The following TOMM40 variants were observed in gnomAD, a reference collection of about 807,000 sequenced individuals.
The protein encoded by TOMM40 is mitochondrial import receptor subunit TOM40 homolog.
In TOMM40, 9 loss-of-function variants were observed where a neutral mutation model predicts 38.4. The observed-to-expected ratio is 0.23, with a 90% CI of 0.14 to 0.41. The LOEUF (loss-of-function observed/expected upper bound fraction) is 0.41. TOMM40 is among the 10% of genes least tolerant of loss of function. The pLI is 1.00. For synonymous variants in TOMM40, 184 were observed against 210.0 expected, an observed-to-expected ratio of 0.88 and a Z score of 1.07; for missense variants, 299 against 486.5, an observed-to-expected ratio of 0.61 and a Z score of 3.63.
intron 5 of TOMM40, among the ~76,000 whole-genome samples, chr19:44,896,429 T>C (rs1328472955): frequency 2.6e-5 from 4 of 152,192 alleles, no homozygotes; most frequent in East Asian, 3.8e-4. Context: ...AAGGAGTCCA[T>C]GAGAGGGCCC....
At chr19:44,894,569 G>A (rs954818691) in intron 5 of TOMM40, among the ~76,000 whole-genome samples, 3 of 151,920 alleles carry the variant, frequency 2.0e-5, no homozygotes, top group Non-Finnish European at 4.4e-5. Context: ...GCCAGTCAGC[G>A]CAATTTTAAC....
chr19:44,903,374 G>A lies in TOMM40; in HGVS notation c.*205G>A, dbSNP rs1405175173. On this transcript the variant is annotated 3_prime_UTR_variant, in exon 9 of 9. Coordinates refer to ENST00000426677, the MANE Select transcript of TOMM40 (RefSeq NM_001128917.2). ...GGCGCTTCGGGATTCTGAGTAGCAG[G>A]GGCAGCATGCCCAGTGGGCCTGGGG... 7.3e-6 allele frequency: 4 copies of A among 550,558 alleles called. No individual in the cohort carries two copies. The highest frequency in any genetic ancestry group is 1.2e-5 in the Non-Finnish European group (4 of 323,260). 34.1% of individuals were successfully genotyped at this position (550,558 alleles called of 1,614,324 possible).
At chr19:44,898,420 C>A (rs956563206) in intron 5 of TOMM40, among the ~76,000 whole-genome samples, 1 of 152,022 alleles carries the variant, frequency 6.6e-6, no homozygotes, top group African/African-American at 2.4e-5. Flanking sequence ...GGGCTGCACC[C>A]TAGGAGATTG....
At chr19:44,895,574 G>C (rs1969549808) in intron 5 of TOMM40, among the ~76,000 whole-genome samples, 1 of 152,088 alleles carries the variant, frequency 6.6e-6, no homozygotes, top group Admixed American at 6.5e-5. Flanking sequence ...GTCTTGCTCT[G>C]TTGCCCAGGC....
At chr19:44,892,350 G>C in intron 1 of TOMM40, 43 bp from the exon 2 acceptor site, 1 of 1,583,150 alleles carries the variant, frequency 6.3e-7, no homozygotes, top group Non-Finnish European at 8.7e-7. Context: ...ATGAGAGTTG[G>C]TGTGGGGTTG....
Position 44,903,307 on chromosome 19 carries a change from C to G in TOMM40, c.*138C>G. On this transcript the variant is annotated 3_prime_UTR_variant, in exon 9 of 9. Transcript: ENST00000426677. ...GGGGGGGACATTGGAAAGGAGGGAC[C>G]CCGCCACCCCAGCAGCTGAGGAGGG... The G allele has an allele frequency of 2.2e-6, 2 of 890,958 alleles. No individual in the cohort carries two copies. Among genetic ancestry groups the G allele is most frequent in the Non-Finnish European group, 3.3e-6 (2 of 610,296 alleles). The allele number at this position is 890,958 out of a possible 1,614,324, so 55.2% of individuals were successfully genotyped here. A position where few individuals can be genotyped will look rare whatever the true frequency, so the allele number is the denominator to read the frequency against.
rs1004544536 is a variant in TOMM40, at chr19:44,891,452, G to A, written c.37G>A (p.Gly13Arg). The A allele has an allele frequency of 1.0e-5, 13 of 1,297,238 alleles. 2 individuals are homozygous for A. In the Admixed American group the frequency reaches 4.4e-4, roughly 44 times the overall value. 80.4% of individuals were successfully genotyped at this position (1,297,238 alleles called of 1,614,324 possible). A position where few individuals can be genotyped will look rare whatever the true frequency, so the allele number is the denominator to read the frequency against. The change falls in exon 1 of 9, where the codon GGG becomes AGG. Residue 13 changes from glycine (G) to arginine (R), a missense_variant. By Grantham distance (125) the Gly-to-Arg change is moderately radical. Coordinates refer to ENST00000426677, the MANE Select transcript of TOMM40 (RefSeq NM_001128917.2). ...NVLAASSPPA[G>R]PPPPPAPALV... is the part of the protein sequence containing the mutation. ...GTTGGCTGCCAGCTCGCCGCCCGCA[G>A]GGCCGCCACCGCCGCCTGCGCCGGC...
chr19:44,902,294 C>A (rs1194081176), intron 8 of TOMM40: 2 of 152,254 alleles, frequency 1.3e-5, no homozygotes, highest in African/African-American at 4.8e-5. Flanking sequence ...CCTCCACCTC[C>A]CGGGCTCAAG....
intron 5 of TOMM40, among the ~76,000 whole-genome samples, chr19:44,900,035 T>C (rs1165620452): frequency 2.0e-5 from 3 of 152,088 alleles, no homozygotes; most frequent in African/African-American, 7.2e-5. Context: ...GCCTGTACCC[T>C]GCTAGGCTCG....
At chr19:44,900,638 C>G in intron 5 of TOMM40, 92 bp from the exon 6 acceptor site, 3 of 1,604,180 alleles carry the variant, frequency 1.9e-6, no homozygotes, top group Non-Finnish European at 2.5e-6. Flanking sequence ...AAGCCCAAGC[C>G]TCCAGCCGGG....
chr19:44,898,422 A>G (rs1412740652), intron 5 of TOMM40, among the ~76,000 whole-genome samples: 1 of 151,012 alleles, frequency 6.6e-6, no homozygotes, highest in African/African-American at 2.4e-5. Context: ...GCTGCACCCT[A>G]GGAGATTGCT....
chr19:44,902,590 T>G (rs1197280353), intron 8 of TOMM40: 1 of 153,804 alleles, frequency 6.5e-6, no homozygotes. Flanking sequence ...CACAACTAAA[T>G]CCAGAACCTC....
At chr19:44,894,353 C>T (rs922326805) in intron 5 of TOMM40, among the ~76,000 whole-genome samples, 6 of 150,440 alleles carry the variant, frequency 4.0e-5, no homozygotes, top group Non-Finnish European at 8.8e-5. Flanking sequence ...CCTCCATCTC[C>T]TGGGTTCATG....
At chr19:44,898,958 C>A (rs1308957566) in intron 5 of TOMM40, among the ~76,000 whole-genome samples, 2 of 151,626 alleles carry the variant, frequency 1.3e-5, no homozygotes, top group South Asian at 4.2e-4. Context: ...CGGTGAAACC[C>A]CTTCTCTACT....
chr19:44,896,145 A>G (rs1969560992), intron 5 of TOMM40, among the ~76,000 whole-genome samples: 1 of 152,016 alleles, frequency 6.6e-6, no homozygotes, highest in Admixed American at 6.6e-5. Context: ...GCTCCCCAGC[A>G]CTGGCCTCCT....
In TOMM40 at chr19:44,903,243, G is replaced by C. The variant is rs972587411; in HGVS notation, c.*74G>C. 6 of 1,472,660 alleles carry C rather than the reference G, an allele frequency of 4.1e-6. No individual in the cohort carries two copies. The African/African-American group carries it at 7.0e-5, about 17-fold the overall frequency. The allele number at this position is 1,472,660 out of a possible 1,614,324, so 91.2% of individuals were successfully genotyped here. On this transcript the variant is annotated 3_prime_UTR_variant, in exon 9 of 9. Transcript: ENST00000426677. The stretch of plus-strand genomic sequence containing the variant: ...CCACCTCCCCCTGCCACAGAGGGGA[G>C]ACCTGAGCCCCCCTCCCTTCCCTCC...
chr19:44,897,115 AG>A (rs1279488499), intron 5 of TOMM40, among the ~76,000 whole-genome samples: 2 of 152,112 alleles, frequency 1.3e-5, no homozygotes, highest in African/African-American at 4.8e-5. Context: ...GGTTCTGGGC[AG>A]GGGGTCAACA....
rs891291784 is a variant in TOMM40 at position 44,903,426 on chromosome 19, G to C, written c.*257G>C. The C allele has an allele frequency of 5.8e-5, 23 of 396,734 alleles. 1 individual carries two copies. In the South Asian group the frequency reaches 6.5e-4, roughly 11 times the overall value. 24.6% of individuals were successfully genotyped at this position (396,734 alleles called of 1,614,324 possible). The stretch of plus-strand genomic sequence containing the variant: ...CCCGGGAGGGATTCCGGAATTGAGG[G>C]GCACGCAGGATTCTGAGCACCAGGG... On this transcript the variant is annotated 3_prime_UTR_variant, in exon 9 of 9. Transcript: ENST00000426677.
At position 44,903,571 on chromosome 19, in the gene TOMM40, G is replaced by C. The variant is rs897541230; in HGVS notation, c.*402G>C. The C allele has an allele frequency of 5.2e-5, 9 of 171,964 alleles. No homozygotes were observed. The Admixed American group carries it at 5.7e-4, about 11-fold the overall frequency. 10.7% of individuals were successfully genotyped at this position (171,964 alleles called of 1,614,324 possible). ...TCCCCATCCCCGGTCAGTCCACCCT[G>C]CCCCGTCCACTTTCCCATCTCCTCG... On this transcript the variant is annotated 3_prime_UTR_variant, in exon 9 of 9. Transcript: ENST00000426677.
Sources: gnomAD v4.1 joint callset for allele counts (sites outside exome capture counted in the v4.1 genomes callset) on GRCh38, gnomAD v4.1.1 for gene constraint, MANE v1.5 for transcripts, NCBI Gene and HGNC (gene_info 2026-07-23, HGNC 2026-07-21) for gene names.